Variants in CDKL5 observed in about 807,000 individuals in gnomAD.
CDKL5 encodes the protein cyclin dependent kinase like 5, also known as cyclin-dependent kinase-like 5.
Under a neutral mutation model 61.7 loss-of-function variants are expected in CDKL5, and 8 were observed. That is an observed-to-expected ratio of 0.13 (90% CI 0.08 to 0.23). The LOEUF is 0.23. Ranked by LOEUF, CDKL5 falls within the 10% of genes least tolerant of loss-of-function variation. The pLI is 1.00. For missense variants in CDKL5, 440 were observed against 734.5 expected, an observed-to-expected ratio of 0.60 and a Z score of 4.63; for synonymous variants, 275 against 272.3, an observed-to-expected ratio of 1.01 and a Z score of -0.10.
rs3752484 is a variant in CDKL5, at chrX:18,620,084, T to A, written c.2376+118T>A. 199,035 of 492,998 alleles carry A rather than the reference T, an allele frequency of 0.4. 30,439 individuals are homozygous for A. Among genetic ancestry groups the A allele is most frequent in the Admixed American group, 0.7 (20,680 of 29,590 alleles). 40.6% of individuals were successfully genotyped at this position (492,998 alleles called of 1,213,427 possible). ...GTTTTCTTATTGAGACTTGACATTT[T>A]TGCACTGTATTATGTCTCTTTCTGA... On this transcript the variant is annotated intron_variant, in intron 16 of 17. Coordinates refer to ENST00000623535, the MANE Select transcript of CDKL5 (RefSeq NM_001323289.2).
chrX:18,560,774 AAT>A lies in CDKL5; in HGVS notation c.100-3701_100-3700del, dbSNP rs1475438554. Among the ~76,000 whole-genome samples, 40 of 13,102 alleles carry A rather than the reference AAT, an allele frequency of 3.1e-3. No individual in the cohort carries two copies. In the South Asian group the frequency reaches 0.042, roughly 14 times the overall value. 11.4% of individuals were successfully genotyped at this position (13,102 alleles called of 115,157 possible). ...ATTTCCAGGTATTATTGATTCAAAA[AAT>A]ACACACACACACACACACACACACT... is the stretch of plus-strand genomic sequence containing the variant. On this transcript the variant is annotated intron_variant, in intron 3 of 17. Transcript: ENST00000623535.
chrX:18,502,058 C>G (rs1922408321), intron 1 of CDKL5, among the ~76,000 whole-genome samples: 1 of 111,923 alleles, frequency 8.9e-6, no homozygotes, highest in South Asian at 3.7e-4. Context: ...CATCTTTTAC[C>G]AGGAATGTGA....
intron 4 of CDKL5, among the ~76,000 whole-genome samples, chrX:18,572,958 G>A (rs1014180317): frequency 1.8e-5 from 2 of 111,862 alleles, no homozygotes; most frequent in Non-Finnish European, 3.8e-5. Flanking sequence ...CTGTGATAAG[G>A]AATAATGGGG....
chrX:18,478,763 T>G (rs1921426956), intron 1 of CDKL5, among the ~76,000 whole-genome samples: 1 of 106,478 alleles, frequency 9.4e-6, no homozygotes, highest in Admixed American at 1.0e-4. Flanking sequence ...CAGGCTGGAG[T>G]GCAGTGGTGT....
chrX:18,524,143 C>T (rs1923348880), intron 3 of CDKL5, among the ~76,000 whole-genome samples: 1 of 111,950 alleles, frequency 8.9e-6, no homozygotes, highest in Admixed American at 9.5e-5. Context: ...TGAAAGTGGG[C>T]ATCTTTGTCT....
rs1925256899 is a variant in CDKL5, at chrX:18,575,244, A to C, written c.146-110A>C. 7.9e-6 allele frequency: 5 copies of C among 633,146 alleles called. No individual in the cohort carries two copies. In the South Asian group the frequency reaches 9.9e-5, roughly 13 times the overall value. The allele number at this position is 633,146 out of a possible 1,213,427, so 52.2% of individuals were successfully genotyped here. Reference sequence around the variant, plus strand: ...TCCATTCTTGTACTTCTTATGCAGAAGTACTCAAAGCAGAAGGTGAAATTG... The same window carrying C: ...TCCATTCTTGTACTTCTTATGCAGACGTACTCAAAGCAGAAGGTGAAATTG... On this transcript the variant is annotated intron_variant, in intron 4 of 17. Coordinates refer to ENST00000623535, the MANE Select transcript of CDKL5 (RefSeq NM_001323289.2).
intron 3 of CDKL5, among the ~76,000 whole-genome samples, chrX:18,520,245 C>G (rs995658589): frequency 1.8e-5 from 2 of 112,172 alleles, no homozygotes; most frequent in Admixed American, 9.4e-5. Flanking sequence ...CTATTTACCC[C>G]CCATTTTCCC....
intron 3 of CDKL5, among the ~76,000 whole-genome samples, chrX:18,560,305 A>C (rs1261807986): frequency 9.0e-6 from 1 of 111,565 alleles, no homozygotes; most frequent in Non-Finnish European, 1.9e-5. Context: ...TTGTTTCCTG[A>C]CTTTTTAACA....
chrX:18,613,511 T>C (rs1413501165), intron 15 of CDKL5, among the ~76,000 whole-genome samples: 1 of 112,275 alleles, frequency 8.9e-6, no homozygotes, highest in Non-Finnish European at 1.9e-5. Flanking sequence ...AAATACCTGA[T>C]ACGCTTTCCA....
chrX:18,544,868 A>G (rs1298497841), intron 3 of CDKL5, among the ~76,000 whole-genome samples: 3 of 112,094 alleles, frequency 2.7e-5, no homozygotes, highest in Admixed American at 1.9e-4. Context: ...TGTTTGGAGT[A>G]TAGTCCTTTA....
At chrX:18,470,396 G>GAAAAGAAAAAAAAA (rs1921050574) in intron 1 of CDKL5, among the ~76,000 whole-genome samples, 2 of 94,977 alleles carry the variant, frequency 2.1e-5, no homozygotes, top group Non-Finnish European at 4.3e-5. Context: ...AAAAAAAGAA[G>GAAAAGAAAAAAAAA]TAAATGGATG....
At chrX:18,582,269 A>G (rs2147144321) in intron 7 of CDKL5, among the ~76,000 whole-genome samples, 1 of 112,092 alleles carries the variant, frequency 8.9e-6, no homozygotes, top group South Asian at 3.6e-4. Flanking sequence ...TTTAATCATG[A>G]ACACTAAAAT....
rs1927345998 is a variant in CDKL5 at position 18,635,134 on chromosome X, A to G, written c.*6377A>G. ...TAAAGTGTTGAATACTTAAATCCTC[A>G]CAAGTGAATTATGAACCATTTGTAA... On this transcript the variant is annotated 3_prime_UTR_variant, in exon 18 of 18. Coordinates refer to ENST00000623535, the MANE Select transcript of CDKL5 (RefSeq NM_001323289.2). 1.3e-6 allele frequency: 1 copy of G among 748,532 alleles called. No homozygotes were observed. The highest frequency in any genetic ancestry group is 1.6e-6 in the Non-Finnish European group (1 of 636,476). The allele number at this position is 748,532 out of a possible 1,213,427, so 61.7% of individuals were successfully genotyped here.
chrX:18,646,404 C>T (rs901643872), intron 20 of CDKL5, among the ~76,000 whole-genome samples: 2 of 112,412 alleles, frequency 1.8e-5, no homozygotes, highest in African/African-American at 6.5e-5. Flanking sequence ...TCTGCCCCCC[C>T]TCGGCCTCCC....
At chrX:18,551,441 G>A (rs1438128789) in intron 3 of CDKL5, among the ~76,000 whole-genome samples, 1 of 108,785 alleles carries the variant, frequency 9.2e-6, no homozygotes, top group Non-Finnish European at 1.9e-5. Context: ...GGGTTTGTTT[G>A]CATTTATCAA....
chrX:18,586,006 A>G (rs1168247078), intron 8 of CDKL5, among the ~76,000 whole-genome samples: 2 of 111,781 alleles, frequency 1.8e-5, no homozygotes, highest in African/African-American at 3.2e-5. Flanking sequence ...TCCAGTGTCT[A>G]CCAACCGTCT....
At chrX:18,453,224 C>T (rs1310112951) in intron 1 of CDKL5, among the ~76,000 whole-genome samples, 10 of 111,559 alleles carry the variant, frequency 9.0e-5, no homozygotes, top group Non-Finnish European at 1.9e-4. Flanking sequence ...TATACTATCT[C>T]CTGTATAAAA....
intron 19 of CDKL5, among the ~76,000 whole-genome samples, chrX:18,645,813 C>A (rs368751783): frequency 5.1e-4 from 57 of 111,034 alleles, no homozygotes; most frequent in African/African-American, 1.5e-3. Context: ...GGTAATAGAA[C>A]CCCTGAGTTT....
Position 18,553,465 on chromosome X carries a change from CGTGTGTGTGTGTGT to C in CDKL5, c.100-10987_100-10974del, listed in dbSNP as rs201802099. On this transcript the variant is annotated intron_variant, in intron 3 of 17. Transcript: ENST00000623535. Reference sequence around the variant, plus strand: ...GCTTGAAGGCAGTTGTGTGTGTGTGCGTGTGTGTGTGTGTGTGTGTGTGTGTGTGTGTGTGTGTT... The same window carrying C: ...GCTTGAAGGCAGTTGTGTGTGTGTGCGTGTGTGTGTGTGTGTGTGTGTGTT... Among the ~76,000 whole-genome samples, 365 of 90,829 alleles carry C rather than the reference CGTGTGTGTGTGTGT, an allele frequency of 4.0e-3. 2 individuals carry two copies. In the Middle Eastern group the frequency reaches 0.058, roughly 14 times the overall value. The allele number at this position is 90,829 out of a possible 115,157, so 78.9% of individuals were successfully genotyped here.
Sources: allele counts gnomAD v4.1 joint callset (sites outside exome capture counted in the v4.1 genomes callset), GRCh38; gene constraint gnomAD v4.1.1; transcripts MANE v1.5; gene names NCBI Gene and HGNC (gene_info 2026-07-23, HGNC 2026-07-21).